Variants in RBFOX1 observed in about 807,000 individuals in gnomAD.
The protein encoded by RBFOX1 is RNA binding fox-1 homolog 1.
In RBFOX1, 8 loss-of-function variants were observed where a neutral mutation model predicts 57.7. The ratio of observed to expected loss-of-function variants is 0.14; its 90% CI spans 0.08 to 0.25. The LOEUF (loss-of-function observed/expected upper bound fraction) is 0.25. Among genes scored for constraint, RBFOX1 ranks in the 10% least tolerant of loss-of-function variants. RBFOX1 has a pLI of 1.00. For synonymous variants in RBFOX1, 326 were observed against 222.4 expected (o/e 1.47, Z -4.15); for missense variants, 611 against 548.5 (o/e 1.11, Z -1.14).
chr16:6,665,341 C>T lies in RBFOX1; in HGVS notation c.-16+10691C>T, dbSNP rs74747456. On this transcript the variant is annotated intron_variant, in intron 3 of 15. Coordinates refer to ENST00000550418, the MANE Select transcript of RBFOX1 (RefSeq NM_018723.4). Reference sequence around the variant, plus strand: ...AAAAAATGAGGGAGGGGGCTGGGCACGGTGGCTCACGCCTATAATGCCAGC... The same window carrying T: ...AAAAAATGAGGGAGGGGGCTGGGCATGGTGGCTCACGCCTATAATGCCAGC... Among the ~76,000 whole-genome samples the T allele has an allele frequency of 9.1e-3, 1,391 of 152,232 alleles. 7 individuals are homozygous for T. The highest frequency in any genetic ancestry group is 0.014 in the Middle Eastern group (4 of 294).
At chr16:7,130,265 C>T (rs776761532) in intron 4 of RBFOX1, among the ~76,000 whole-genome samples, 1 of 151,972 alleles carries the variant, frequency 6.6e-6, no homozygotes, top group Non-Finnish European at 1.5e-5. Flanking sequence ...GAACTCCTGA[C>T]CTCAGGTGAT....
chr16:7,067,645 A>G (rs1289931044), intron 4 of RBFOX1, among the ~76,000 whole-genome samples: 1 of 150,328 alleles, frequency 6.7e-6, no homozygotes, highest in Non-Finnish European at 1.5e-5. Flanking sequence ...TTAACTCATC[A>G]TTTAGCATTA....
intron 2 of RBFOX1, among the ~76,000 whole-genome samples, chr16:6,569,814 G>T (rs1022169621): frequency 1.3e-5 from 2 of 152,162 alleles, no homozygotes; most frequent in Non-Finnish European, 2.9e-5. Flanking sequence ...GTTTCGTTAA[G>T]TTCTCTTTAA....
intron 3 of RBFOX1, among the ~76,000 whole-genome samples, chr16:6,861,217 T>C (rs1010349766): frequency 6.6e-6 from 1 of 152,168 alleles, no homozygotes; most frequent in Non-Finnish European, 1.5e-5. Flanking sequence ...TACCGCTGTG[T>C]CTGTGTGTAT....
At chr16:6,060,296 C>T (rs762019322) in intron 1 of RBFOX1, among the ~76,000 whole-genome samples, 6 of 151,990 alleles carry the variant, frequency 3.9e-5, no homozygotes, top group Non-Finnish European at 7.4e-5. Flanking sequence ...ACCATTTGTT[C>T]ATCTGTAAAA....
intron 3 of RBFOX1, among the ~76,000 whole-genome samples, chr16:5,648,886 A>G (rs1467977010): frequency 6.6e-6 from 1 of 152,190 alleles, no homozygotes; most frequent in Non-Finnish European, 1.5e-5. Context: ...CAACATGGTG[A>G]AACCCCATGT....
chr16:6,204,920 A>G (rs545304642), intron 1 of RBFOX1, among the ~76,000 whole-genome samples: 2 of 152,292 alleles, frequency 1.3e-5, no homozygotes, highest in South Asian at 4.1e-4. Context: ...TTAAGTTTTG[A>G]CCCCATAGAT....
chr16:6,930,664 C>T (rs1052872441), intron 3 of RBFOX1, among the ~76,000 whole-genome samples: 2 of 152,172 alleles, frequency 1.3e-5, no homozygotes, highest in Non-Finnish European at 2.9e-5. Flanking sequence ...CCTGCCTTGG[C>T]CTCCCAAGTT....
chr16:7,183,552 G>T (rs989810185), intron 4 of RBFOX1, among the ~76,000 whole-genome samples: 1 of 152,218 alleles, frequency 6.6e-6, no homozygotes, highest in African/African-American at 2.4e-5. Context: ...CTGAATAAAT[G>T]TGTGTGCTTA....
intron 2 of RBFOX1, among the ~76,000 whole-genome samples, chr16:5,495,630 C>G (rs2042977939): frequency 6.6e-6 from 1 of 152,186 alleles, no homozygotes; most frequent in African/African-American, 2.4e-5. Context: ...CCAACGGGAC[C>G]CAACATGGTG....
At chr16:7,706,902 ATTATT>A (rs918670001) in intron 14 of RBFOX1, among the ~76,000 whole-genome samples, 78 of 152,292 alleles carry the variant, frequency 5.1e-4, no homozygotes, top group Admixed American at 3.1e-3. Context: ...TGAATATATT[ATTATT>A]TTATCAAAAA....
intron 4 of RBFOX1, among the ~76,000 whole-genome samples, chr16:7,165,185 G>A (rs1271100629): frequency 6.6e-6 from 1 of 152,148 alleles, no homozygotes; most frequent in East Asian, 2.0e-4. Flanking sequence ...TGAGCAGGAA[G>A]GGATTAGCAA....
intron 1 of RBFOX1, among the ~76,000 whole-genome samples, chr16:6,133,063 C>A (rs1243964547): frequency 1.3e-5 from 2 of 150,524 alleles, no homozygotes; most frequent in Non-Finnish European, 3.0e-5. Context: ...TGAGAGACTG[C>A]CTCAAAGGAT....
intron 4 of RBFOX1, among the ~76,000 whole-genome samples, chr16:5,920,795 CT>C (rs2058804326): frequency 6.6e-6 from 1 of 152,190 alleles, no homozygotes; most frequent in Non-Finnish European, 1.5e-5. Context: ...GAAATTCTTC[CT>C]GCTCAGCATT....
At chr16:6,712,258 A>G (rs919826011) in intron 3 of RBFOX1, among the ~76,000 whole-genome samples, 1 of 152,140 alleles carries the variant, frequency 6.6e-6, no homozygotes, top group Non-Finnish European at 1.5e-5. Context: ...ATGAACCCTT[A>G]AGTGTCAATG....
intron 7 of RBFOX1, among the ~76,000 whole-genome samples, chr16:7,592,548 C>T (rs1016149753): frequency 1.3e-5 from 2 of 152,174 alleles, no homozygotes; most frequent in African/African-American, 4.8e-5. Flanking sequence ...CCACCTGGCC[C>T]TCCAGCTATA....
At chr16:6,511,285 G>A (rs2096250825) in intron 2 of RBFOX1, among the ~76,000 whole-genome samples, 1 of 152,224 alleles carries the variant, frequency 6.6e-6, no homozygotes, top group African/African-American at 2.4e-5. Flanking sequence ...GAATAGGCCA[G>A]TGTGCTGGTT....
intron 2 of RBFOX1, among the ~76,000 whole-genome samples, chr16:5,472,889 TGTC>T (rs962531316): frequency 1.3e-5 from 2 of 152,186 alleles, no homozygotes; most frequent in Admixed American, 6.5e-5. Flanking sequence ...GAACTCAGGT[TGTC>T]GTAGGGGATC....
chr16:5,557,259 CAAT>C (rs1221278172), intron 2 of RBFOX1, among the ~76,000 whole-genome samples: 2 of 143,472 alleles, frequency 1.4e-5, no homozygotes, highest in African/African-American at 5.3e-5. Flanking sequence ...GACTCCATCT[CAAT>C]AAATAAATAA....
Sources: gnomAD v4.1 joint callset for allele counts (sites outside exome capture counted in the v4.1 genomes callset) on GRCh38, gnomAD v4.1.1 for gene constraint, MANE v1.5 for transcripts, NCBI Gene and HGNC (gene_info 2026-07-23, HGNC 2026-07-21) for gene names.